ASXL3: variants seen among roughly 807,000 people sequenced by gnomAD.
ASXL3 encodes the protein putative Polycomb group protein ASXL3.
In ASXL3, 34 loss-of-function variants were observed where a neutral mutation model predicts 170.6. That is an observed-to-expected ratio of 0.20 (90% CI 0.15 to 0.27). The LOEUF is 0.27. Ranked by LOEUF, ASXL3 falls within the 10% of genes least tolerant of loss-of-function variation. The probability of loss-of-function intolerance (pLI) is 1.00; values close to 1 mark genes in which losing one functional copy is unlikely to be tolerated. For missense variants in ASXL3, 2,592 were observed against 2,695.3 expected, an observed-to-expected ratio of 0.96 and a Z score of 0.85; for synonymous variants, 1,002 against 989.1, an observed-to-expected ratio of 1.01 and a Z score of -0.24.
chr18:33,702,213 TAGA>T (rs1414360677), intron 8 of ASXL3, among the ~76,000 whole-genome samples: 1 of 152,338 alleles, frequency 6.6e-6, no homozygotes, highest in African/African-American at 2.4e-5. Flanking sequence ...AAGCATTTCA[TAGA>T]AGATTTTCTT....
intron 8 of ASXL3, among the ~76,000 whole-genome samples, chr18:33,685,207 A>G (rs1157119190): frequency 6.6e-6 from 1 of 152,212 alleles, no homozygotes; most frequent in Non-Finnish European, 1.5e-5. Context: ...TTAGAAAGGA[A>G]TTTTAGTTTT....
chr18:33,579,420 A>T (rs944805492), intron 1 of ASXL3, among the ~76,000 whole-genome samples: 10 of 152,020 alleles, frequency 6.6e-5, no homozygotes, highest in Non-Finnish European at 1.3e-4. Context: ...GGTTATTAAG[A>T]GTGTACAGCT....
intron 1 of ASXL3, among the ~76,000 whole-genome samples, chr18:33,589,731 C>T (rs1362366861): frequency 1.3e-5 from 2 of 151,910 alleles, no homozygotes; most frequent in East Asian, 3.9e-4. Flanking sequence ...GATGGAATAA[C>T]CTTAGTATAT....
At chr18:33,732,334 A>G (rs2067464387) in intron 9 of ASXL3, among the ~76,000 whole-genome samples, 1 of 152,178 alleles carries the variant, frequency 6.6e-6, no homozygotes, top group Admixed American at 6.6e-5. Flanking sequence ...AATTTTAATG[A>G]CATTGTTTGA....
chr18:33,578,697 C>A lies in ASXL3; in HGVS notation c.54+12C>A. The A allele has an allele frequency of 7.9e-7, 1 of 1,262,068 alleles. No homozygotes were observed. Among genetic ancestry groups the A allele is most frequent in the Non-Finnish European group, 1.0e-6 (1 of 983,140 alleles). 78.2% of individuals were successfully genotyped at this position (1,262,068 alleles called of 1,614,324 possible). On this transcript the variant is annotated intron_variant, in intron 1 of 11. Transcript: ENST00000269197. ...AGGCTGCCCGCCTGGTACGTACCGC[C>A]CCCCACACGCCGCCCGCGCCTCCCG...
At chr18:33,633,362 AC>A (rs1172303082) in intron 2 of ASXL3, among the ~76,000 whole-genome samples, 1 of 152,178 alleles carries the variant, frequency 6.6e-6, no homozygotes. Flanking sequence ...AAATACTTAA[AC>A]GAATTATGAT....
chr18:33,687,440 C>A (rs2066614359), intron 8 of ASXL3, among the ~76,000 whole-genome samples: 1 of 152,142 alleles, frequency 6.6e-6, no homozygotes, highest in Non-Finnish European at 1.5e-5. Context: ...CCTAAAATTT[C>A]AATTACATCT....
chr18:33,672,141 G>A (rs374470300), intron 7 of ASXL3, among the ~76,000 whole-genome samples: 4 of 152,178 alleles, frequency 2.6e-5, no homozygotes, highest in African/African-American at 4.8e-5. Flanking sequence ...ATTATCTGCC[G>A]GGTCATGATA....
chr18:33,636,542 T>C (rs934871888), intron 2 of ASXL3, among the ~76,000 whole-genome samples: 2 of 152,078 alleles, frequency 1.3e-5, no homozygotes, highest in South Asian at 2.1e-4. Flanking sequence ...GAGGTAAAGA[T>C]TTTTTGAAAT....
intron 8 of ASXL3, among the ~76,000 whole-genome samples, chr18:33,684,545 C>T (rs748925674): frequency 6.6e-6 from 1 of 151,978 alleles, no homozygotes; most frequent in Non-Finnish European, 1.5e-5. Context: ...GATTATTGTT[C>T]ATATTTAGAA....
At chr18:33,666,249 A>G (rs923653807) in intron 5 of ASXL3, among the ~76,000 whole-genome samples, 1 of 152,216 alleles carries the variant, frequency 6.6e-6, no homozygotes, top group African/African-American at 2.4e-5. Context: ...CAGTACAGCT[A>G]AGGCTTGAGA....
chr18:33,682,664 A>C (rs907561972), intron 7 of ASXL3, among the ~76,000 whole-genome samples: 1 of 152,074 alleles, frequency 6.6e-6, no homozygotes, highest in African/African-American at 2.4e-5. Flanking sequence ...GTCCCACCTC[A>C]GACTCTGGGG....
intron 2 of ASXL3, among the ~76,000 whole-genome samples, chr18:33,643,846 T>C (rs1599435931): frequency 1.3e-5 from 2 of 152,016 alleles, no homozygotes. Flanking sequence ...AGAATGTGAA[T>C]TAAATACCCA....
intron 1 of ASXL3, among the ~76,000 whole-genome samples, chr18:33,602,309 A>G (rs1332543295): frequency 6.6e-6 from 1 of 152,068 alleles, no homozygotes; most frequent in Non-Finnish European, 1.5e-5. Context: ...ATAGCATATA[A>G]TTTTACCATA....
At chr18:33,625,672 A>G (rs1380441552) in intron 2 of ASXL3, 1 of 152,108 alleles carries the variant, frequency 6.6e-6, no homozygotes, top group Non-Finnish European at 1.5e-5. Context: ...ACATCAGCAG[A>G]ATAATTGACA....
intron 1 of ASXL3, among the ~76,000 whole-genome samples, chr18:33,579,439 T>G (rs1649715345): frequency 6.6e-6 from 1 of 152,144 alleles, no homozygotes; most frequent in Non-Finnish European, 1.5e-5. Flanking sequence ...CTAGGTGTAT[T>G]TTACTGCTGG....
At chr18:33,584,280 G>A (rs548523381) in intron 1 of ASXL3, among the ~76,000 whole-genome samples, 2 of 152,168 alleles carry the variant, frequency 1.3e-5, no homozygotes, top group African/African-American at 4.8e-5. Flanking sequence ...CATAGGCACT[G>A]GGACAGAATT....
chr18:33,738,557 T>G lies in ASXL3; in HGVS notation c.1153T>G (p.Ser385Ala). 6.2e-7 allele frequency: 1 copy of G among 1,613,842 alleles called. No homozygotes were observed. The highest frequency in any genetic ancestry group is 1.1e-5 in the South Asian group (1 of 91,060). The change falls in exon 11 of 12, where the codon TCT (serine) becomes GCT (alanine). Residue 385 changes from serine to alanine, a missense_variant. Physicochemically the swap from Ser to Ala is moderately conservative, Grantham distance 99 (BLOSUM62 1). Around this residue, in one of 4 missense-constraint regions of ASXL3, gnomAD observed 2,246 missense variants for 2,219.6 expected, o/e 1.01. Coordinates refer to ENST00000269197, the MANE Select transcript of ASXL3 (RefSeq NM_030632.3). ...GPNNAGAQSS[S>A]SCGTSGLPVS... ...AAACAACGCTGGAGCTCAAAGTAGT[T>G]CTTCATGTGGGACTTCTGGCCTTCC...
Position 33,745,277 on chromosome 18 carries a change from A to T in ASXL3, c.5429A>T (p.Tyr1810Phe), listed in dbSNP as rs1165272775. 1 of 1,613,878 alleles carries T rather than the reference A, an allele frequency of 6.2e-7. No individual in the cohort carries two copies. Among genetic ancestry groups the T allele is most frequent in the Non-Finnish European group, 8.5e-7 (1 of 1,179,892 alleles). ...PSSPNPDGKG[Y>F]LAGTLAPLQM... ...TCTCCAAATCCAGATGGTAAGGGCT[A>T]CTTGGCAGGGACTCTGGCACCACTC... The change falls in exon 12 of 12, where the codon TAC (tyrosine) becomes TTC (phenylalanine). Residue 1810 changes from tyrosine to phenylalanine, a missense_variant. Physicochemically the swap from Tyr to Phe is conservative, Grantham distance 22 (BLOSUM62 3). Coordinates refer to ENST00000269197, the MANE Select transcript of ASXL3 (RefSeq NM_030632.3).
Sources: gnomAD v4.1 joint callset for allele counts (sites outside exome capture counted in the v4.1 genomes callset) on GRCh38, gnomAD v4.1.1 for gene constraint, gnomAD v4.1.1 regional missense constraint, MANE v1.5 for transcripts, NCBI Gene and HGNC (gene_info 2026-07-23, HGNC 2026-07-21) for gene names.